Variants in TP53BP1 observed in about 807,000 individuals in gnomAD.
TP53BP1 encodes tumor protein p53 binding protein 1.
Under a neutral mutation model 200.8 loss-of-function variants are expected in TP53BP1, and 61 were observed. The ratio of observed to expected loss-of-function variants is 0.30; its 90% CI spans 0.25 to 0.38. TP53BP1 has a LOEUF of 0.38. Ranked by LOEUF, TP53BP1 falls within the 10% of genes least tolerant of loss-of-function variation. TP53BP1 has a pLI of 1.00. For synonymous variants in TP53BP1, 822 were observed against 844.3 expected (o/e 0.97, Z 0.46); for missense variants, 2,144 against 2,371.9 (o/e 0.90, Z 2.00).
chr15:43,428,240 A>G (rs1283550047), intron 17 of TP53BP1, 72 bp from the exon 18 acceptor site: 1 of 1,362,224 alleles, frequency 7.3e-7, no homozygotes, highest in Non-Finnish European at 1.0e-6. Context: ...CTTATGCTTC[A>G]TGATGAGAAC....
At position 43,447,799 on chromosome 15, in the gene TP53BP1, G is replaced by C. The variant is rs569942661; in HGVS notation, c.2717-314C>G. On this transcript the variant is annotated intron_variant, in intron 12 of 27. Coordinates refer to ENST00000382044, the MANE Select transcript of TP53BP1 (RefSeq NM_001141980.3). ...GGAGTCAAATGGAACACAAACATTT[G>C]ATCTCCAAGACAGTACATCAGGGGA... Among the ~76,000 whole-genome samples, 17 of 152,206 alleles carry C rather than the reference G, an allele frequency of 1.1e-4. No individual in the cohort carries two copies. The South Asian group carries it at 2.3e-3, about 20-fold the overall frequency.
chr15:43,458,126 C>T (rs533177202), intron 11 of TP53BP1, among the ~76,000 whole-genome samples: 73 of 152,126 alleles, frequency 4.8e-4, no homozygotes, highest in African/African-American at 1.7e-3. Context: ...AATACCACTA[C>T]ACGCAACAAA....
rs765338473 is a variant in TP53BP1, at chr15:43,479,475, G to A, written c.710C>T (p.Ser237Phe). ...TGCTGTCACAGGGATGTCCTTGCTG[G>A]ACTGTTCTGCTATGGGGATATCTTC... ...SNEDIPIAEQ[S>F]SKDIPVTAQP... is the part of the protein sequence containing the mutation. The change falls in exon 7 of 28, where the codon TCC becomes TTC. Residue 237 changes from serine (S) to phenylalanine (F), a missense_variant. By Grantham distance (155) the Ser-to-Phe change is radical. Transcript: ENST00000382044. The A allele has an allele frequency of 1.7e-5, 28 of 1,613,826 alleles. No homozygotes were observed. The highest frequency in any genetic ancestry group is 2.2e-5 in the Non-Finnish European group (26 of 1,179,902).
rs2044889708 is a variant in TP53BP1 at position 43,406,537 on chromosome 15, G to A, written c.*846C>T. On this transcript the variant is annotated 3_prime_UTR_variant, in exon 28 of 28. Transcript: ENST00000382044. ...GCTTTCATGCCCTCACAGCAAAGGC[G>A]AGTAGTTGTGATGGATCAAATGGCC... is the stretch of plus-strand genomic sequence containing the variant. The A allele has an allele frequency of 4.4e-6, 2 of 454,562 alleles. No homozygotes were observed. The highest frequency in any genetic ancestry group is 6.9e-5 in the East Asian group (1 of 14,408). The allele number at this position is 454,562 out of a possible 1,614,324, so 28.2% of individuals were successfully genotyped here. A position where few individuals can be genotyped will look rare whatever the true frequency, so the allele number is the denominator to read the frequency against.
At chr15:43,445,169 C>T (rs1161683357) in intron 14 of TP53BP1, among the ~76,000 whole-genome samples, 2 of 152,142 alleles carry the variant, frequency 1.3e-5, no homozygotes, top group Admixed American at 6.5e-5. Flanking sequence ...AGTACATTTG[C>T]AGCCTCATCT....
intron 13 of TP53BP1, 175 bp downstream of exon 13, chr15:43,447,191 A>G: frequency 2.3e-5 from 13 of 568,996 alleles, no homozygotes; most frequent in Admixed American, 3.4e-5. Flanking sequence ...TCCTCTCTTT[A>G]CCCCTCATCT....
chr15:43,493,027 C>G lies in TP53BP1; in HGVS notation c.7+10G>C. ...AGCCCACTGCACTCCCATTTCTCTCCAAACAGTACCAGGCATCCCGGCGGG... is the reference window on the plus strand; with the variant it reads ...AGCCCACTGCACTCCCATTTCTCTCGAAACAGTACCAGGCATCCCGGCGGG... On this transcript the variant is annotated intron_variant, in intron 1 of 27. Transcript: ENST00000382044. 1 of 1,613,214 alleles carries G rather than the reference C, an allele frequency of 6.2e-7. No homozygotes were observed. Among genetic ancestry groups the G allele is most frequent in the Non-Finnish European group, 8.5e-7 (1 of 1,179,654 alleles).
At chr15:43,508,953 T>C (rs2079253588) in intron 1 of TP53BP1, among the ~76,000 whole-genome samples, 1 of 152,104 alleles carries the variant, frequency 6.6e-6, no homozygotes, top group South Asian at 2.1e-4. Flanking sequence ...TTCAGATCTA[T>C]TGTCTAGTCT....
rs760189486 is a variant in TP53BP1, at chr15:43,475,679, C to T, written c.971G>A (p.Cys324Tyr). 2 of 1,613,850 alleles carry T rather than the reference C, an allele frequency of 1.2e-6. No homozygotes were observed. The highest frequency in any genetic ancestry group is 2.2e-5 in the South Asian group (2 of 91,076). ...ACCTTCCTCCCTTGAAGGAGTAGAG[C>T]AACCATCAGAAGATACTGAAAAAAA... is the stretch of plus-strand genomic sequence containing the variant. ...QSNKTVSSDG[C>Y]STPSREEGGC... The change falls in exon 9 of 28, where the codon TGC becomes TAC. Residue 324 changes from cysteine (C) to tyrosine (Y), a missense_variant. By Grantham distance (194) the Cys-to-Tyr change is radical. Coordinates refer to ENST00000382044, the MANE Select transcript of TP53BP1 (RefSeq NM_001141980.3).
In TP53BP1 at chr15:43,409,167, G is replaced by A. The variant is rs914151007; in HGVS notation, c.5401-71C>T. ...AAAGCTCCTAAGCAGCAGCCATAAT[G>A]AGCCATGAAGAGCAGATCTGAAGAC... On this transcript the variant is annotated intron_variant, in intron 25 of 27. Coordinates refer to ENST00000382044, the MANE Select transcript of TP53BP1 (RefSeq NM_001141980.3). 11 of 1,404,150 alleles carry A rather than the reference G, an allele frequency of 7.8e-6. No homozygotes were observed. In the East Asian group the frequency reaches 1.8e-4, roughly 24 times the overall value. The allele number at this position is 1,404,150 out of a possible 1,614,324, so 87.0% of individuals were successfully genotyped here.
At position 43,470,060 on chromosome 15, in the gene TP53BP1, G is replaced by A. The variant is rs764156076; in HGVS notation, c.1187C>T (p.Pro396Leu). 3 of 1,612,208 alleles carry A rather than the reference G, an allele frequency of 1.9e-6. No individual in the cohort carries two copies. The highest frequency in any genetic ancestry group is 2.2e-5 in the South Asian group (2 of 90,996). Residue 396 changes from proline (P) to leucine (L), a missense_variant, in exon 11 of 28, where the codon CCA (proline) becomes CTA (leucine). Physicochemically the swap from Pro to Leu is moderately conservative, Grantham distance 98. Around this residue, in one of 4 missense-constraint regions of TP53BP1, gnomAD observed 1,700 missense variants for 1,710.3 expected, o/e 0.99. Transcript: ENST00000382044. Reference sequence around the variant, plus strand: ...TTCAGATAACACTGACGTGTCCATTGGCTTATCTGGTTTAAAACAGGAGAA... The same window carrying A: ...TTCAGATAACACTGACGTGTCCATTAGCTTATCTGGTTTAAAACAGGAGAA... Reference protein sequence around the residue: ...PTEQEGRQDKPMDTSVLSEEG... With the variant: ...PTEQEGRQDKLMDTSVLSEEG...
intron 7 of TP53BP1, among the ~76,000 whole-genome samples, chr15:43,478,233 C>G (rs1176632991): frequency 6.6e-6 from 1 of 152,168 alleles, no homozygotes; most frequent in South Asian, 2.1e-4. Context: ...AAACCCCAAA[C>G]CAATTCTCCT....
chr15:43,423,145 TCA>T (rs1243739007), intron 18 of TP53BP1, among the ~76,000 whole-genome samples: 2 of 147,824 alleles, frequency 1.4e-5, no homozygotes, highest in East Asian at 2.0e-4. Context: ...TGCCTGGTGC[TCA>T]GTTTTAAGAA....
At chr15:43,420,809 CTCCTTTGTCCAT>C (rs2045378334) in intron 20 of TP53BP1, 74 bp from the exon 21 acceptor site, 2 of 1,413,068 alleles carry the variant, frequency 1.4e-6, no homozygotes, top group Non-Finnish European at 1.9e-6. Flanking sequence ...AATTTTTCCA[CTCCTTTGTCCAT>C]GGGTCTCCTC....
Position 43,403,479 on chromosome 15 carries a change from T to G in TP53BP1, c.*3904A>C. On this transcript the variant is annotated 3_prime_UTR_variant, in exon 28 of 28. Transcript: ENST00000382044. ...GCAGGGCTAAGAGAGTAATACTCGC[T>G]TAGCCAGGAAAGGATGCATTTGTTT... is the stretch of plus-strand genomic sequence containing the variant. The G allele has an allele frequency of 1.9e-6, 1 of 524,986 alleles. No homozygotes were observed. Among genetic ancestry groups the G allele is most frequent in the Non-Finnish European group, 3.4e-6 (1 of 291,808 alleles). The allele number at this position is 524,986 out of a possible 1,614,324, so 32.5% of individuals were successfully genotyped here. A position where few individuals can be genotyped will look rare whatever the true frequency, so the allele number is the denominator to read the frequency against.
intron 21 of TP53BP1, among the ~76,000 whole-genome samples, chr15:43,419,821 T>G (rs1408321271): frequency 2.0e-5 from 3 of 152,082 alleles, no homozygotes; most frequent in African/African-American, 7.2e-5. Context: ...AACAAAAGAC[T>G]GAGAAATTGC....
chr15:43,459,947 A>G (rs2143012045), intron 11 of TP53BP1, among the ~76,000 whole-genome samples: 1 of 152,320 alleles, frequency 6.6e-6, no homozygotes, highest in South Asian at 2.1e-4. Context: ...GGGCGGGAGA[A>G]GGGAGTATAC....
chr15:43,505,491 A>ATT (rs1201658950), intron 1 of TP53BP1, among the ~76,000 whole-genome samples: 2 of 151,966 alleles, frequency 1.3e-5, no homozygotes, highest in Non-Finnish European at 2.9e-5. Flanking sequence ...TTGATAAATT[A>ATT]TTTTTTTCGC....
chr15:43,458,644 G>C (rs1268360946), intron 11 of TP53BP1, among the ~76,000 whole-genome samples: 1 of 151,904 alleles, frequency 6.6e-6, no homozygotes, highest in African/African-American at 2.4e-5. Context: ...GCCAGGCATG[G>C]TATTGTGTCC....
Sources: gnomAD v4.1 joint callset for allele counts (sites outside exome capture counted in the v4.1 genomes callset) on GRCh38, gnomAD v4.1.1 for gene constraint, gnomAD v4.1.1 regional missense constraint, MANE v1.5 for transcripts, NCBI Gene and HGNC (gene_info 2026-07-23, HGNC 2026-07-21) for gene names.